Variants in PGAP1 observed in about 807,000 individuals in gnomAD.
PGAP1 encodes the protein GPI inositol-deacylase.
A neutral mutation model predicts 127.0 loss-of-function variants in PGAP1; 76 were observed. That is an observed-to-expected ratio of 0.60 (90% CI 0.50 to 0.72). The LOEUF (loss-of-function observed/expected upper bound fraction) is 0.72. Ranked by LOEUF, PGAP1 falls within the 30% of genes least tolerant of loss-of-function variation. The pLI is 0.00. For missense variants in PGAP1, 982 were observed against 1,071.3 expected (o/e 0.92, Z 1.16); for synonymous variants, 362 against 366.5 (o/e 0.99, Z 0.14).
At position 196,840,585 on chromosome 2, in the gene PGAP1, G is replaced by A. The variant is rs1355051649; in HGVS notation, c.*649C>T. 1.3e-5 allele frequency: 2 copies of A among 151,246 alleles called. No homozygotes were observed. Among genetic ancestry groups the A allele is most frequent in the Non-Finnish European group, 2.9e-5 (2 of 67,918 alleles). 9.4% of individuals were successfully genotyped at this position (151,246 alleles called of 1,614,324 possible). ...TATTTGAAAAATAGCAAGAAAAATT[G>A]TGTAAGTTTGAATCATGTTTCCACC... On this transcript the variant is annotated 3_prime_UTR_variant, in exon 27 of 27. Transcript: ENST00000354764.
chr2:196,913,677 A>C (rs1702910358), intron 3 of PGAP1, among the ~76,000 whole-genome samples: 1 of 152,190 alleles, frequency 6.6e-6, no homozygotes, highest in African/African-American at 2.4e-5. Flanking sequence ...TCCCCAACAC[A>C]GATCCTTCCT....
At chr2:196,884,018 T>C (rs957068203) in intron 12 of PGAP1, among the ~76,000 whole-genome samples, 28 of 152,180 alleles carry the variant, frequency 1.8e-4, no homozygotes, top group Admixed American at 1.8e-3. Context: ...ACAAACAACA[T>C]AGGGACCTAT....
chr2:196,875,003 G>A (rs1468679774), intron 14 of PGAP1, among the ~76,000 whole-genome samples: 1 of 152,168 alleles, frequency 6.6e-6, no homozygotes, highest in Non-Finnish European at 1.5e-5. Flanking sequence ...GTGACAGAGT[G>A]AGACCCTGTT....
chr2:196,904,057 G>A (rs1702597336), intron 4 of PGAP1, among the ~76,000 whole-genome samples: 1 of 152,120 alleles, frequency 6.6e-6, no homozygotes. Context: ...CATATGTCTA[G>A]ATAGTTTAAA....
At chr2:196,894,746 G>A (rs1319665567) in intron 7 of PGAP1, among the ~76,000 whole-genome samples, 1 of 152,264 alleles carries the variant, frequency 6.6e-6, no homozygotes, top group East Asian at 1.9e-4. Flanking sequence ...AGCTTGCAGT[G>A]AGCCGAGATC....
intron 1 of PGAP1, among the ~76,000 whole-genome samples, chr2:196,921,931 C>T (rs1051254937): frequency 6.6e-6 from 1 of 151,888 alleles, no homozygotes; most frequent in Non-Finnish European, 1.5e-5. Flanking sequence ...GGTAATTGAC[C>T]ACATTGACAG....
At chr2:196,875,969 T>A in intron 13 of PGAP1, 148 bp from the exon 14 acceptor site, 1 of 515,666 alleles carries the variant, frequency 1.9e-6, no homozygotes, top group South Asian at 2.8e-5. Flanking sequence ...TGCCTATACT[T>A]AAGTGGCAAG....
At chr2:196,864,882 A>C in intron 20 of PGAP1, 105 bp downstream of exon 20, 1 of 499,724 alleles carries the variant, frequency 2.0e-6, no homozygotes, top group Non-Finnish European at 3.3e-6. Flanking sequence ...ATGTCTCCTG[A>C]TTCAATATAA....
intron 12 of PGAP1, among the ~76,000 whole-genome samples, chr2:196,882,511 C>A (rs186819758): frequency 3.9e-5 from 6 of 152,282 alleles, no homozygotes; most frequent in Admixed American, 3.9e-4. Context: ...TTGTTGATGT[C>A]ATCTCTGATT....
At chr2:196,889,674 G>A (rs1702033233) in intron 10 of PGAP1, among the ~76,000 whole-genome samples, 1 of 126,506 alleles carries the variant, frequency 7.9e-6, no homozygotes, top group Admixed American at 8.6e-5. Context: ...GGCTAACACG[G>A]TGAAACCCTG....
In PGAP1 at chr2:196,835,674, T is replaced by C. The variant is rs371694748; in HGVS notation, c.*5560A>G. ...TTTAATCCTAATATGCTAAGAAAAG[T>C]TCATTGGCACAAATATCCAGAGGTA... On this transcript the variant is annotated 3_prime_UTR_variant, in exon 27 of 27. Coordinates refer to ENST00000354764, the MANE Select transcript of PGAP1 (RefSeq NM_024989.4). The C allele has an allele frequency of 1.0e-4, 16 of 152,586 alleles. No homozygotes were observed. In the East Asian group the frequency reaches 3.1e-3, roughly 29 times the overall value. 9.5% of individuals were successfully genotyped at this position (152,586 alleles called of 1,614,324 possible).
intron 4 of PGAP1, among the ~76,000 whole-genome samples, chr2:196,905,224 C>T (rs1702655348): frequency 6.6e-6 from 1 of 152,104 alleles, no homozygotes; most frequent in African/African-American, 2.4e-5. Flanking sequence ...TACGGGTCAT[C>T]TACATACACC....
intron 20 of PGAP1, among the ~76,000 whole-genome samples, chr2:196,857,925 G>A (rs1305554748): frequency 1.3e-5 from 2 of 151,964 alleles, no homozygotes; most frequent in African/African-American, 4.8e-5. Context: ...TTACCTCCCT[G>A]AATATGCATA....
intron 12 of PGAP1, among the ~76,000 whole-genome samples, chr2:196,884,481 A>G (rs1396742622): frequency 6.6e-6 from 1 of 152,188 alleles, no homozygotes; most frequent in Non-Finnish European, 1.5e-5. Flanking sequence ...AAAAATTGCA[A>G]CCATTCCAAA....
chr2:196,844,167 T>G (rs977153610), intron 24 of PGAP1, 92 bp from the exon 25 acceptor site: 6 of 738,956 alleles, frequency 8.1e-6, no homozygotes, highest in Non-Finnish European at 2.0e-6. Flanking sequence ...ACTAAATAAG[T>G]ACATCTTTCC....
rs184978954 is a variant in PGAP1, at chr2:196,839,156, A to C, written c.*2078T>G. On this transcript the variant is annotated 3_prime_UTR_variant, in exon 27 of 27. Coordinates refer to ENST00000354764, the MANE Select transcript of PGAP1 (RefSeq NM_024989.4). ...AAACAAAGAGGTTTTAGAATACATA[A>C]ACATAATATTTATGGCTATCAATAG... 6 of 152,778 alleles carry C rather than the reference A, an allele frequency of 3.9e-5. No individual in the cohort carries two copies. Among genetic ancestry groups the C allele is most frequent in the African/African-American group, 1.4e-4 (6 of 41,592 alleles). The allele number at this position is 152,778 out of a possible 1,614,324, so 9.5% of individuals were successfully genotyped here. A position where few individuals can be genotyped will look rare whatever the true frequency, so the allele number is the denominator to read the frequency against.
chr2:196,904,155 G>T (rs1702601502), intron 4 of PGAP1, among the ~76,000 whole-genome samples: 1 of 152,126 alleles, frequency 6.6e-6, no homozygotes, highest in African/African-American at 2.4e-5. Flanking sequence ...TAACCTGGAA[G>T]GCCAGGTTCA....
intron 4 of PGAP1, among the ~76,000 whole-genome samples, chr2:196,903,454 G>A (rs1207417910): frequency 3.3e-5 from 5 of 151,134 alleles, no homozygotes; most frequent in African/African-American, 4.9e-5. Flanking sequence ...CCAGCTACTC[G>A]GGAGGCTGAG....
chr2:196,922,592 A>ACG (rs2125842558), intron 1 of PGAP1: 1 of 826,396 alleles, frequency 1.2e-6, no homozygotes, highest in African/African-American at 1.9e-5. Context: ...ACACACACAC[A>ACG]CACACACACA....
Sources: gnomAD v4.1 joint callset for allele counts (sites outside exome capture counted in the v4.1 genomes callset) on GRCh38, gnomAD v4.1.1 for gene constraint, MANE v1.5 for transcripts, NCBI Gene and HGNC (gene_info 2026-07-23, HGNC 2026-07-21) for gene names.